The following ZNF578 variants were observed in gnomAD, a reference collection of about 807,000 sequenced individuals.
The protein encoded by ZNF578 is Putative chemokine-related protein B42.
A neutral mutation model predicts 8.3 loss-of-function variants in ZNF578; 8 were observed. The ratio of observed to expected loss-of-function variants is 0.96; its 90% CI spans 0.56 to 1.74. ZNF578 has a LOEUF of 1.74. Ranked by LOEUF, ZNF578 falls within the 40% of genes most tolerant of loss-of-function variation. ZNF578 has a pLI of 0.00. For missense variants in ZNF578, 726 were observed against 707.5 expected, an observed-to-expected ratio of 1.03 and a Z score of -0.30; for synonymous variants, 206 against 232.2, an observed-to-expected ratio of 0.89 and a Z score of 1.03.
intron 5 of ZNF578, among the ~76,000 whole-genome samples, chr19:52,507,895 C>T (rs1240619479): frequency 6.6e-6 from 1 of 151,846 alleles, no homozygotes; most frequent in Admixed American, 6.6e-5. Context: ...ACTAAAACTA[C>T]AAAATTAGCC....
chr19:52,504,673 G>T lies in ZNF578; in HGVS notation c.82G>T (p.Asp28Tyr), dbSNP rs1287602894. The T allele has an allele frequency of 1.2e-6, 2 of 1,614,098 alleles. No individual in the cohort carries two copies. The highest frequency in any genetic ancestry group is 1.1e-5 in the South Asian group (1 of 91,086). Reference protein sequence around the residue: ...ALPQGRLTFRDVAIEFSLAEW... With the variant: ...ALPQGRLTFRYVAIEFSLAEW... ...ATTTTAGGGACGCTTGACTTTCAGG[G>T]ATGTGGCTATAGAATTCTCATTGGC... Residue 28 changes from aspartate (D) to tyrosine (Y), a missense_variant, in exon 5 of 6, where the codon GAT becomes TAT. Coordinates refer to ENST00000421239, the MANE Select transcript of ZNF578 (RefSeq NM_001099694.2).
Position 52,511,329 on chromosome 19 carries a change from G to C in ZNF578, c.948G>C (p.Lys316Asn), listed in dbSNP as rs748036640. The change falls in exon 6 of 6, where the codon AAG (lysine) becomes AAC (asparagine). Residue 316 changes from lysine to asparagine, a missense_variant. Transcript: ENST00000421239. The stretch of plus-strand genomic sequence containing the variant: ...GTCACACTGGTGAGAAACCTTACAA[G>C]TGTAATGAATGTGGAAAGTCCTTCA... ...RRCHTGEKPY[K>N]CNECGKSFSY... The C allele has an allele frequency of 6.2e-7, 1 of 1,614,100 alleles. No homozygotes were observed. The highest frequency in any genetic ancestry group is 8.5e-7 in the Non-Finnish European group (1 of 1,179,974).
At chr19:52,507,582 A>G (rs1222176142) in intron 5 of ZNF578, among the ~76,000 whole-genome samples, 1 of 152,180 alleles carries the variant, frequency 6.6e-6, no homozygotes, top group Non-Finnish European at 1.5e-5. Context: ...AGCTTAAGAC[A>G]TAGAAATTTA....
At chr19:52,497,674 T>C (rs922496213) in intron 3 of ZNF578, among the ~76,000 whole-genome samples, 1 of 152,252 alleles carries the variant, frequency 6.6e-6, no homozygotes, top group Non-Finnish European at 1.5e-5. Context: ...CTTTATCATA[T>C]ATCGAAAACA....
rs2059454290 is a variant in ZNF578 at position 52,512,752 on chromosome 19, G to A, written c.*598G>A. Among the ~76,000 whole-genome samples the A allele has an allele frequency of 6.6e-6, 1 of 152,220 alleles. No homozygotes were observed. The highest frequency in any genetic ancestry group is 2.4e-5 in the African/African-American group (1 of 41,460). ...AGAACATCAGAAAATTCATTTTTGA[G>A]ATAACTGTTCCCAATGCAGTGAGTA... On this transcript the variant is annotated 3_prime_UTR_variant, in exon 6 of 6. Transcript: ENST00000421239.
intron 2 of ZNF578, among the ~76,000 whole-genome samples, chr19:52,471,732 T>C (rs2059292397): frequency 6.6e-6 from 1 of 152,190 alleles, no homozygotes. Context: ...TTTGAGTGTA[T>C]GGCATCATCA....
At chr19:52,490,818 TTCTTA>T (rs1423192580) in intron 2 of ZNF578, among the ~76,000 whole-genome samples, 2 of 152,122 alleles carry the variant, frequency 1.3e-5, no homozygotes, top group African/African-American at 4.8e-5. Context: ...TTGGAATCTT[TTCTTA>T]TCTTCTCTGT....
intron 3 of ZNF578, among the ~76,000 whole-genome samples, chr19:52,501,479 G>T (rs2059407128): frequency 6.6e-6 from 1 of 152,160 alleles, no homozygotes; most frequent in African/African-American, 2.4e-5. Context: ...CATTTCTGAG[G>T]GCTGAGCTCA....
chr19:52,465,712 G>A (rs1443990442), intron 2 of ZNF578, among the ~76,000 whole-genome samples: 1 of 152,166 alleles, frequency 6.6e-6, no homozygotes, highest in Non-Finnish European at 1.5e-5. Context: ...ACCCCACTAT[G>A]CTTCAAGCGT....
intron 4 of ZNF578, among the ~76,000 whole-genome samples, chr19:52,503,368 T>TG (rs2059414206): frequency 6.6e-6 from 1 of 152,140 alleles, no homozygotes; most frequent in Non-Finnish European, 1.5e-5. Flanking sequence ...TTTTTTGAGA[T>TG]GGAGTCTCTC....
rs1263174895 is a variant in ZNF578, at chr19:52,510,909, T to G, written c.528T>G (p.Ile176Met). The part of the protein sequence containing the change: ...ELHIFQPEEK[I>M]ANQVEKSVND... ...ACATATTTCAGCCCGAAGAGAAAAT[T>G]GCTAATCAAGTGGAGAAGTCTGTCA... The change falls in exon 6 of 6, where the codon ATT becomes ATG. Residue 176 changes from isoleucine to methionine, a missense_variant. Coordinates refer to ENST00000421239, the MANE Select transcript of ZNF578 (RefSeq NM_001099694.2). 9 of 1,614,184 alleles carry G rather than the reference T, an allele frequency of 5.6e-6. No individual in the cohort carries two copies. The Middle Eastern group carries it at 4.9e-4, about 89-fold the overall frequency.
intron 5 of ZNF578, among the ~76,000 whole-genome samples, chr19:52,506,792 C>G (rs1054916872): frequency 6.6e-6 from 1 of 152,160 alleles, no homozygotes; most frequent in Non-Finnish European, 1.5e-5. Flanking sequence ...GTGATTCATC[C>G]ACCTGCTTTT....
At chr19:52,496,708 G>GT in intron 3 of ZNF578, among the ~76,000 whole-genome samples, 1 of 151,606 alleles carries the variant, frequency 6.6e-6, no homozygotes, top group Non-Finnish European at 1.5e-5. Context: ...GCGCAATCTC[G>GT]GTCACTGCAA....
Position 52,511,627 on chromosome 19 carries a change from C to T in ZNF578, c.1246C>T (p.Arg416Cys), listed in dbSNP as rs780709400. Reference protein sequence around the residue: ...KAFNQQSHLSRHHRLHTGEKP... With the variant: ...KAFNQQSHLSCHHRLHTGEKP... Reference sequence around the variant, plus strand: ...TTTTAATCAACAATCACACCTTTCACGTCATCATAGACTTCATACTGGAGA... The same window carrying T: ...TTTTAATCAACAATCACACCTTTCATGTCATCATAGACTTCATACTGGAGA... The change falls in exon 6 of 6, where the codon CGT becomes TGT. Residue 416 changes from arginine to cysteine, a missense_variant. Transcript: ENST00000421239. 3.7e-6 allele frequency: 6 copies of T among 1,612,744 alleles called. No individual in the cohort carries two copies. The highest frequency in any genetic ancestry group is 5.1e-6 in the Non-Finnish European group (6 of 1,179,078).
chr19:52,454,726 C>T (rs955085025), intron 1 of ZNF578: 1 of 152,178 alleles, frequency 6.6e-6, no homozygotes, highest in East Asian at 1.9e-4. Context: ...TTGTGTACAG[C>T]TTCTAAGGTG....
chr19:52,498,354 T>A (rs1428548677), intron 3 of ZNF578, among the ~76,000 whole-genome samples: 1 of 131,132 alleles, frequency 7.6e-6, no homozygotes. Context: ...TTTTTTGAGA[T>A]GGAGTCTCAC....
chr19:52,464,692 A>G (rs1414753151), intron 2 of ZNF578, among the ~76,000 whole-genome samples: 1 of 152,184 alleles, frequency 6.6e-6, no homozygotes, highest in Non-Finnish European at 1.5e-5. Context: ...GTAATGGATG[A>G]TGTAACAATC....
At position 52,511,704 on chromosome 19, in the gene ZNF578, C is replaced by T; in HGVS notation, c.1323C>T (p.Ser441=). The change falls in exon 6 of 6, where the codon AGC becomes AGT. Residue 441 remains serine (S), a synonymous_variant. Coordinates refer to ENST00000421239, the MANE Select transcript of ZNF578 (RefSeq NM_001099694.2). Reference sequence around the variant, plus strand: ...GTAAGGCTTTTATTCATCAGTCAAGCCTTGCACGTCATCATAGACTTCATA... The same window carrying T: ...GTAAGGCTTTTATTCATCAGTCAAGTCTTGCACGTCATCATAGACTTCATA... ...DCGKAFIHQS[S]LARHHRLHTG... 1 of 1,613,310 alleles carries T rather than the reference C, an allele frequency of 6.2e-7. No individual in the cohort carries two copies. The highest frequency in any genetic ancestry group is 8.5e-7 in the Non-Finnish European group (1 of 1,179,812).
At chr19:52,488,331 G>A (rs1173270973) in intron 2 of ZNF578, among the ~76,000 whole-genome samples, 1 of 151,972 alleles carries the variant, frequency 6.6e-6, no homozygotes, top group Non-Finnish European at 1.5e-5. Context: ...GAGGTGGGTG[G>A]ATCACGAGGT....
Sources: gnomAD v4.1 joint callset for allele counts (sites outside exome capture counted in the v4.1 genomes callset) on GRCh38, gnomAD v4.1.1 for gene constraint, MANE v1.5 for transcripts, NCBI Gene and HGNC (gene_info 2026-07-23, HGNC 2026-07-21) for gene names.